The following SMAP1 variants were observed in gnomAD, a reference collection of about 807,000 sequenced individuals.
SMAP1 encodes the protein stromal membrane-associated protein 1.
Under a neutral mutation model 58.5 loss-of-function variants are expected in SMAP1, and 24 were observed. The observed-to-expected ratio is 0.41, with a 90% CI of 0.30 to 0.58. SMAP1 has a LOEUF of 0.58. Ranked by LOEUF, SMAP1 falls within the 20% of genes least tolerant of loss-of-function variation. SMAP1 has a pLI of 0.29. For synonymous variants in SMAP1, 216 were observed against 196.6 expected (o/e 1.10, Z -0.82); for missense variants, 563 against 566.3 (o/e 0.99, Z 0.06).
At chr6:70,839,471 A>T (rs1385394052) in intron 7 of SMAP1, among the ~76,000 whole-genome samples, 1 of 152,154 alleles carries the variant, frequency 6.6e-6, no homozygotes, top group Non-Finnish European at 1.5e-5. Flanking sequence ...TCTGTCACTC[A>T]TGGGCCTGTA....
At chr6:70,809,992 C>A (rs1015317208) in intron 6 of SMAP1, among the ~76,000 whole-genome samples, 6 of 152,134 alleles carry the variant, frequency 3.9e-5, no homozygotes, top group African/African-American at 1.4e-4. Context: ...AACTCCTCAT[C>A]TTTCTTTAGC....
chr6:70,791,608 A>AT (rs1170828982), intron 4 of SMAP1, 81 bp from the exon 5 acceptor site: 75 of 1,183,932 alleles, frequency 6.3e-5, no homozygotes, highest in Admixed American at 1.0e-4. Context: ...ATATACAGGG[A>AT]TTTTTTCTTT....
At chr6:70,721,386 A>C (rs1768521042) in intron 1 of SMAP1, among the ~76,000 whole-genome samples, 1 of 152,158 alleles carries the variant, frequency 6.6e-6, no homozygotes, top group Middle Eastern at 3.2e-3. Context: ...CCAGTTCCCA[A>C]CAAGTTCCTC....
chr6:70,772,239 G>C (rs55825281), intron 3 of SMAP1, among the ~76,000 whole-genome samples: 68 of 152,268 alleles, frequency 4.5e-4, no homozygotes, highest in Non-Finnish European at 8.5e-4. Flanking sequence ...ATTATTCTGG[G>C]ACGTGTTGTG....
intron 3 of SMAP1, among the ~76,000 whole-genome samples, chr6:70,762,728 A>G (rs1166888136): frequency 1.3e-5 from 2 of 152,114 alleles, no homozygotes; most frequent in South Asian, 4.1e-4. Context: ...CTTTATTTTT[A>G]TATCTTTGAA....
intron 1 of SMAP1, among the ~76,000 whole-genome samples, chr6:70,701,598 C>A (rs1767629894): frequency 6.6e-6 from 1 of 152,086 alleles, no homozygotes; most frequent in African/African-American, 2.4e-5. Flanking sequence ...TTCCTTGGGC[C>A]CCAGCTGATT....
chr6:70,811,289 C>CT (rs1341763940), intron 6 of SMAP1, among the ~76,000 whole-genome samples: 1 of 152,100 alleles, frequency 6.6e-6, no homozygotes, highest in African/African-American at 2.4e-5. Context: ...GGCCAGGAGG[C>CT]TGTTTTGTTT....
At chr6:70,768,548 G>A (rs1763369740) in intron 3 of SMAP1, among the ~76,000 whole-genome samples, 1 of 152,142 alleles carries the variant, frequency 6.6e-6, no homozygotes, top group Admixed American at 6.6e-5. Context: ...AGAGGTGTTT[G>A]TCGTATTCTC....
At chr6:70,778,373 G>A (rs910390640) in intron 4 of SMAP1, among the ~76,000 whole-genome samples, 2 of 152,078 alleles carry the variant, frequency 1.3e-5, no homozygotes, top group African/African-American at 2.4e-5. Flanking sequence ...ATTATGTTGA[G>A]GTATGTTCCT....
chr6:70,708,185 C>G (rs1305051913), intron 1 of SMAP1, among the ~76,000 whole-genome samples: 1 of 152,052 alleles, frequency 6.6e-6, no homozygotes, highest in African/African-American at 2.4e-5. Flanking sequence ...ACTTTTCTCC[C>G]TAGATTTCAC....
chr6:70,770,388 A>C (rs368271285), intron 3 of SMAP1, among the ~76,000 whole-genome samples: 3 of 152,238 alleles, frequency 2.0e-5, no homozygotes, highest in Admixed American at 2.0e-4. Flanking sequence ...AGGTAGATCA[A>C]TCAGACATAG....
Position 70,852,527 on chromosome 6 carries a change from A to G in SMAP1, c.665-13A>G, listed in dbSNP as rs1771225245. ...ATATTCTACGTTAAGACGAGAATCT[A>G]TATTCTTTTCAGATGGCCCTGCTGT... On this transcript the variant is annotated splice_polypyrimidine_tract_variant and intron_variant, in intron 7 of 10. Coordinates refer to ENST00000370455, the MANE Select transcript of SMAP1 (RefSeq NM_001044305.3). 1.1e-5 allele frequency: 17 copies of G among 1,551,496 alleles called. No homozygotes were observed. The highest frequency in any genetic ancestry group is 2.8e-5 in the African/African-American group (2 of 71,962).
At chr6:70,760,354 A>G (rs1403533157) in intron 3 of SMAP1, among the ~76,000 whole-genome samples, 2 of 151,960 alleles carry the variant, frequency 1.3e-5, no homozygotes, top group South Asian at 2.1e-4. Context: ...ATTGATCTTT[A>G]TTGTTCATAT....
intron 6 of SMAP1, among the ~76,000 whole-genome samples, chr6:70,804,472 A>T (rs554805092): frequency 1.3e-5 from 2 of 152,194 alleles, no homozygotes; most frequent in African/African-American, 2.4e-5. Context: ...TGTGTCTTTT[A>T]ATTGGGGCAT....
chr6:70,861,522 C>CAGAT lies in SMAP1; in HGVS notation c.*1189_*1192dup. On this transcript the variant is annotated 3_prime_UTR_variant, in exon 11 of 11. Coordinates refer to ENST00000370455, the MANE Select transcript of SMAP1 (RefSeq NM_001044305.3). ...TGTTAACTGACAAGCTCCATTTAAACAGATGTCCATCAGATGACAAGAAAG... is the reference window on the plus strand; with the variant it reads ...TGTTAACTGACAAGCTCCATTTAAACAGATAGATGTCCATCAGATGACAAGAAAG... The CAGAT allele has an allele frequency of 4.4e-6, 3 of 688,898 alleles. No individual in the cohort carries two copies. Among genetic ancestry groups the CAGAT allele is most frequent in the Non-Finnish European group, 7.5e-6 (3 of 402,606 alleles). 42.7% of individuals were successfully genotyped at this position (688,898 alleles called of 1,614,324 possible).
chr6:70,766,636 C>G (rs1333247652), intron 3 of SMAP1, among the ~76,000 whole-genome samples: 1 of 152,060 alleles, frequency 6.6e-6, no homozygotes. Flanking sequence ...ATTGTAGATT[C>G]TGGTTATTAG....
intron 1 of SMAP1, among the ~76,000 whole-genome samples, chr6:70,731,214 C>A (rs561742461): frequency 3.3e-5 from 5 of 152,154 alleles, no homozygotes; most frequent in Middle Eastern, 3.4e-3. Context: ...CCAGATATTG[C>A]TTTTATTTTT....
chr6:70,749,946 A>G (rs1030413021), intron 2 of SMAP1, among the ~76,000 whole-genome samples: 6 of 152,228 alleles, frequency 3.9e-5, no homozygotes, highest in African/African-American at 1.4e-4. Flanking sequence ...CTGGTTTCCA[A>G]GATTTTGGAA....
intron 8 of SMAP1, 33 bp from the exon 9 acceptor site, chr6:70,856,826 G>T: frequency 6.4e-7 from 1 of 1,565,646 alleles, no homozygotes; most frequent in South Asian, 1.2e-5. Context: ...TTACTATGCA[G>T]AATTTGATAG....
Sources: allele counts gnomAD v4.1 joint callset (sites outside exome capture counted in the v4.1 genomes callset), GRCh38; gene constraint gnomAD v4.1.1; transcripts MANE v1.5; gene names NCBI Gene and HGNC (gene_info 2026-07-23, HGNC 2026-07-21).